Variants in STIM2 observed in about 807,000 individuals in gnomAD.
STIM2 encodes the protein stromal interaction molecule 2.
A neutral mutation model predicts 85.8 loss-of-function variants in STIM2; 31 were observed. That is an observed-to-expected ratio of 0.36 (90% confidence interval 0.27 to 0.49). STIM2 has a LOEUF of 0.49. Among genes scored for constraint, STIM2 ranks in the 20% least tolerant of loss-of-function variants. STIM2 has a pLI of 0.98. For synonymous variants in STIM2, 356 were observed against 331.1 expected (o/e 1.08, Z -0.82); for missense variants, 841 against 927.6 (o/e 0.91, Z 1.21).
intron 1 of STIM2, among the ~76,000 whole-genome samples, chr4:26,877,143 A>T (rs1001929306): frequency 6.6e-6 from 1 of 152,002 alleles, no homozygotes; most frequent in South Asian, 2.1e-4. Context: ...TATATGTTAG[A>T]CTGTTTGATA....
At chr4:26,974,062 C>CT (rs1054803394) in intron 3 of STIM2, among the ~76,000 whole-genome samples, 50 of 151,950 alleles carry the variant, frequency 3.3e-4, no homozygotes, top group Non-Finnish European at 2.8e-4. Flanking sequence ...GCAACTGCTG[C>CT]TTTTTTTTGC....
At chr4:26,935,425 C>G (rs920083863) in intron 2 of STIM2, among the ~76,000 whole-genome samples, 2 of 152,144 alleles carry the variant, frequency 1.3e-5, no homozygotes. Context: ...TAGGGCCACC[C>G]TAATACTTCT....
At chr4:26,921,967 T>C (rs188718077) in intron 2 of STIM2, among the ~76,000 whole-genome samples, 1 of 152,322 alleles carries the variant, frequency 6.6e-6, no homozygotes, top group East Asian at 1.9e-4. Flanking sequence ...AGTAGATCAA[T>C]TTATTTATTT....
At chr4:26,977,807 G>T (rs116779675) in intron 3 of STIM2, among the ~76,000 whole-genome samples, 1 of 152,152 alleles carries the variant, frequency 6.6e-6, no homozygotes, top group South Asian at 2.1e-4. Context: ...TTGAGATCAT[G>T]GCGCAAAGAG....
At chr4:26,978,737 G>A (rs1010433237) in intron 3 of STIM2, among the ~76,000 whole-genome samples, 7 of 152,166 alleles carry the variant, frequency 4.6e-5, no homozygotes, top group African/African-American at 1.7e-4. Flanking sequence ...GTGATTTGGA[G>A]TCTTGTCTCC....
intron 3 of STIM2, among the ~76,000 whole-genome samples, chr4:26,961,698 C>T (rs887587881): frequency 2.6e-5 from 4 of 151,922 alleles, no homozygotes; most frequent in African/African-American, 7.3e-5. Context: ...AGGTGGTGTT[C>T]GGGTTGACCC....
intron 10 of STIM2, among the ~76,000 whole-genome samples, chr4:27,011,654 G>T (rs112845800): frequency 3.3e-5 from 5 of 152,126 alleles, no homozygotes; most frequent in African/African-American, 1.2e-4. Context: ...ACTCGAATGC[G>T]TATGAAATGA....
intron 2 of STIM2, among the ~76,000 whole-genome samples, chr4:26,929,085 CT>C (rs2109072882): frequency 6.6e-6 from 1 of 152,116 alleles, no homozygotes; most frequent in African/African-American, 2.4e-5. Context: ...ATTTTGAAGG[CT>C]TATATGAGAA....
chr4:26,979,340 A>T (rs1006184288), intron 3 of STIM2, among the ~76,000 whole-genome samples: 9 of 152,248 alleles, frequency 5.9e-5, no homozygotes, highest in Non-Finnish European at 8.8e-5. Context: ...TGAGAAAGAG[A>T]TGCTTTCTGA....
At chr4:27,016,520 A>G (rs1728738568) in intron 10 of STIM2, among the ~76,000 whole-genome samples, 1 of 152,244 alleles carries the variant, frequency 6.6e-6, no homozygotes, top group African/African-American at 2.4e-5. Context: ...ACAGTTTCAT[A>G]GACCCTCTGG....
chr4:26,953,051 T>C (rs1726113783), intron 2 of STIM2, among the ~76,000 whole-genome samples: 1 of 152,164 alleles, frequency 6.6e-6, no homozygotes, highest in Non-Finnish European at 1.5e-5. Context: ...TTTTACTGAC[T>C]CACATATCAG....
chr4:26,991,552 C>G (rs1263013982), intron 3 of STIM2, among the ~76,000 whole-genome samples: 1 of 151,950 alleles, frequency 6.6e-6, no homozygotes, highest in East Asian at 1.9e-4. Flanking sequence ...TTGTGTGTTT[C>G]CAAATAGCTG....
intron 1 of STIM2, among the ~76,000 whole-genome samples, chr4:26,889,807 C>A (rs896484689): frequency 6.6e-6 from 1 of 152,162 alleles, no homozygotes; most frequent in Non-Finnish European, 1.5e-5. Context: ...GTTATTCTAT[C>A]TACTTGATTA....
At chr4:26,870,487 T>C (rs760533338) in intron 1 of STIM2, among the ~76,000 whole-genome samples, 8 of 152,236 alleles carry the variant, frequency 5.3e-5, no homozygotes, top group Non-Finnish European at 1.0e-4. Flanking sequence ...GTTTTTGTTA[T>C]ACATTTGCAG....
chr4:26,891,558 T>TACAC (rs71643700), intron 1 of STIM2, among the ~76,000 whole-genome samples: 2,166 of 144,620 alleles, frequency 0.015, 25 homozygotes, highest in African/African-American at 0.036. Flanking sequence ...TATACATACA[T>TACAC]ACACACACAC....
At position 27,022,595 on chromosome 4, in the gene STIM2, C is replaced by G; in HGVS notation, c.1840C>G (p.Leu614Val). The change falls in exon 12 of 12, where the codon CTC becomes GTC. Residue 614 changes from leucine to valine, a missense_variant. Leu to Val is a conservative substitution (Grantham distance 32). Around this residue, in one of 3 missense-constraint regions of STIM2, gnomAD observed 293 missense variants for 284.5 expected, o/e 1.03. Transcript: ENST00000467087. ...AAGGAAACAGTCTCCTCCTTTAAGC[C>G]TCGAGATATACCAAACATTATCTCC... The G allele has an allele frequency of 1.9e-6, 3 of 1,613,758 alleles. No individual in the cohort carries two copies. Among genetic ancestry groups the G allele is most frequent in the Non-Finnish European group, 2.5e-6 (3 of 1,179,650 alleles).
intron 10 of STIM2, among the ~76,000 whole-genome samples, chr4:27,017,038 T>A (rs1728754554): frequency 6.6e-6 from 1 of 152,064 alleles, no homozygotes. Flanking sequence ...ATTAGGTGAG[T>A]TATGTTCGTT....
rs551321268 is a variant in STIM2, at chr4:26,975,299, A to G, written c.397+17573A>G. On this transcript the variant is annotated intron_variant, in intron 3 of 11. Transcript: ENST00000467087. ...GTTCCATTGCTGGCGAGGAGCTGCA[A>G]TCCTTTGGAGGAGAAGGGGCACTCT... Among the ~76,000 whole-genome samples the G allele has an allele frequency of 5.5e-3, 842 of 152,216 alleles. 8 individuals carry two copies. Among genetic ancestry groups the G allele is most frequent in the African/African-American group, 0.017 (715 of 41,518 alleles).
intron 2 of STIM2, among the ~76,000 whole-genome samples, chr4:26,921,253 C>T (rs774585791): frequency 2.6e-5 from 4 of 152,200 alleles, no homozygotes; most frequent in Non-Finnish European, 5.9e-5. Context: ...GGAACAGATT[C>T]TCCCCTAGAG....
Sources: allele counts gnomAD v4.1 joint callset (sites outside exome capture counted in the v4.1 genomes callset), GRCh38; gene constraint gnomAD v4.1.1; regional missense constraint gnomAD v4.1.1; transcripts MANE v1.5; gene names NCBI Gene and HGNC (gene_info 2026-07-23, HGNC 2026-07-21).